Variants in TUSC3 observed in about 807,000 individuals in gnomAD.
TUSC3 encodes dolichyl-diphosphooligosaccharide--protein glycosyltransferase subunit TUSC3.
Under a neutral mutation model 44.8 loss-of-function variants are expected in TUSC3, and 45 were observed. The observed-to-expected ratio is 1.00, with a 90% CI of 0.79 to 1.29. TUSC3 has a LOEUF of 1.29. TUSC3 is among the 50% of genes most tolerant of loss of function. The probability of loss-of-function intolerance (pLI) is 0.00; values close to 1 mark genes in which losing one functional copy is unlikely to be tolerated. For missense variants in TUSC3, 519 were observed against 437.9 expected (o/e 1.19, Z -1.65); for synonymous variants, 212 against 152.9 (o/e 1.39, Z -2.85).
At chr8:15,454,075 A>G (rs928868138) in intron 1 of TUSC3, among the ~76,000 whole-genome samples, 30 of 152,182 alleles carry the variant, frequency 2.0e-4, no homozygotes, top group East Asian at 1.9e-4. Flanking sequence ...TGCACTATGC[A>G]TGCTCCCCTC....
At chr8:15,837,226 T>A in the TUSC3 span, among the ~76,000 whole-genome samples, 168 of 145,836 alleles carry the variant, frequency 1.2e-3, 2 homozygotes, top group African/African-American at 3.7e-3. Context: ...GTCTTTTTTT[T>A]TAAAAAATCA....
intron 1 of TUSC3, among the ~76,000 whole-genome samples, chr8:15,597,174 G>T (rs1239191876): frequency 6.6e-6 from 1 of 151,376 alleles, no homozygotes; most frequent in African/African-American, 2.5e-5. Context: ...AGAAAGAGAG[G>T]CTAACTTGAT....
chr8:15,806,559 T>C, the TUSC3 span: 1 of 1,449,990 alleles, frequency 6.9e-7, no homozygotes. Context: ...AGCTCTTCAT[T>C]TCCCATAACA....
chr8:15,470,105 C>G (rs1018601614), intron 1 of TUSC3, among the ~76,000 whole-genome samples: 1 of 142,992 alleles, frequency 7.0e-6, no homozygotes. Context: ...AAAAAATTAA[C>G]AAAAAAAAAA....
At chr8:15,756,701 A>G (rs1474641499) in intron 9 of TUSC3, among the ~76,000 whole-genome samples, 1 of 152,198 alleles carries the variant, frequency 6.6e-6, no homozygotes, top group African/African-American at 2.4e-5. Flanking sequence ...GAACCATTAA[A>G]ATACAAATAC....
intron 1 of TUSC3, among the ~76,000 whole-genome samples, chr8:15,614,391 T>C (rs1419673217): frequency 6.6e-6 from 1 of 152,180 alleles, no homozygotes; most frequent in Non-Finnish European, 1.5e-5. Context: ...TCACTAGAAA[T>C]CAGTTTTAGA....
chr8:15,847,089 C>T, the TUSC3 span, among the ~76,000 whole-genome samples: 988 of 152,130 alleles, frequency 6.5e-3, 31 homozygotes, highest in East Asian at 0.017. Context: ...TAGATATATC[C>T]GCAGTCCTCC....
At chr8:15,726,968 A>G (rs1231622328) in intron 6 of TUSC3, among the ~76,000 whole-genome samples, 1 of 152,168 alleles carries the variant, frequency 6.6e-6, no homozygotes, top group Admixed American at 6.5e-5. Flanking sequence ...TGATCTGAAA[A>G]TGCATTGCCC....
chr8:15,470,796 A>C (rs1443172895), intron 1 of TUSC3, among the ~76,000 whole-genome samples: 1 of 152,004 alleles, frequency 6.6e-6, no homozygotes, highest in East Asian at 1.9e-4. Flanking sequence ...TCATGTCCCA[A>C]AGATTCAGGA....
At chr8:15,566,915 G>T (rs1802700339) in intron 1 of TUSC3, among the ~76,000 whole-genome samples, 1 of 152,054 alleles carries the variant, frequency 6.6e-6, no homozygotes, top group Non-Finnish European at 1.5e-5. Context: ...TTGTAGGTTT[G>T]CCCGGCCAAC....
the TUSC3 span, among the ~76,000 whole-genome samples, chr8:15,811,625 T>C: frequency 5.3e-5 from 8 of 152,176 alleles, no homozygotes; most frequent in African/African-American, 1.4e-4. Flanking sequence ...AATTAGTGAA[T>C]GTGAGCGAAC....
the TUSC3 span, among the ~76,000 whole-genome samples, chr8:15,846,705 A>G: frequency 6.6e-6 from 1 of 152,178 alleles, no homozygotes; most frequent in African/African-American, 2.4e-5. Context: ...AACATCACAC[A>G]TCAGGGCCTG....
At chr8:15,570,445 A>G (rs898960484) in intron 1 of TUSC3, among the ~76,000 whole-genome samples, 10 of 152,156 alleles carry the variant, frequency 6.6e-5, no homozygotes, top group Non-Finnish European at 1.2e-4. Flanking sequence ...ATTCAGATAG[A>G]GGCCTATGTC....
At chr8:15,729,950 T>C (rs755229279) in intron 6 of TUSC3, among the ~76,000 whole-genome samples, 18 of 152,266 alleles carry the variant, frequency 1.2e-4, no homozygotes, top group South Asian at 2.1e-4. Context: ...AGTTGAGGCA[T>C]TGATTTATAC....
intron 1 of TUSC3, among the ~76,000 whole-genome samples, chr8:15,552,676 G>A (rs974583101): frequency 9.2e-5 from 14 of 151,676 alleles, no homozygotes; most frequent in African/African-American, 2.4e-4. Context: ...TGAGGCCAGA[G>A]TGGAAGTGAG....
At chr8:15,450,527 T>C (rs1200706306) in intron 1 of TUSC3, among the ~76,000 whole-genome samples, 2 of 151,790 alleles carry the variant, frequency 1.3e-5, no homozygotes. Flanking sequence ...CTAGTAAAAA[T>C]ACAAAAATTC....
intron 1 of TUSC3, among the ~76,000 whole-genome samples, chr8:15,483,170 A>G (rs1800685632): frequency 1.3e-5 from 2 of 152,208 alleles, no homozygotes; most frequent in South Asian, 2.1e-4. Context: ...GTTAAATTCT[A>G]TTAAATTTTT....
the TUSC3 span, among the ~76,000 whole-genome samples, chr8:15,779,884 C>A: frequency 1.3e-5 from 2 of 152,142 alleles, no homozygotes; most frequent in African/African-American, 2.4e-5. Context: ...CTGTGTCATA[C>A]TTAATGGTGA....
chr8:15,735,696 TTTTTTA>T (rs1277698696), intron 7 of TUSC3, among the ~76,000 whole-genome samples: 1 of 151,922 alleles, frequency 6.6e-6, no homozygotes. Context: ...TGTTGATTTA[TTTTTTA>T]TTTTTATTTT....
Sources: allele counts gnomAD v4.1 joint callset (sites outside exome capture counted in the v4.1 genomes callset), GRCh38; gene constraint gnomAD v4.1.1; transcripts MANE v1.5; gene names NCBI Gene and HGNC (gene_info 2026-07-23, HGNC 2026-07-21).